Variants in CCDC91 observed in about 807,000 individuals in gnomAD.
CCDC91 encodes coiled-coil domain containing 91.
A neutral mutation model predicts 63.2 loss-of-function variants in CCDC91; 48 were observed. That is an observed-to-expected ratio of 0.76 (90% CI 0.60 to 0.97). The LOEUF is 0.97. Ranked by LOEUF, CCDC91 falls within the 50% of genes least tolerant of loss-of-function variation. CCDC91 has a pLI of 0.00. For missense variants in CCDC91, 500 were observed against 494.6 expected (o/e 1.01, Z -0.10); for synonymous variants, 167 against 165.8 (o/e 1.01, Z -0.06).
intron 6 of CCDC91, among the ~76,000 whole-genome samples, chr12:28,326,226 A>G (rs1231998456): frequency 2.0e-5 from 3 of 152,118 alleles, no homozygotes; most frequent in Non-Finnish European, 4.4e-5. Flanking sequence ...TTGTTCCACT[A>G]CAATTGTGAG....
chr12:28,535,325 C>T (rs1340087424), intron 12 of CCDC91, among the ~76,000 whole-genome samples: 1 of 152,140 alleles, frequency 6.6e-6, no homozygotes, highest in South Asian at 2.1e-4. Context: ...ATAAGCCATA[C>T]CCATGGAATG....
At chr12:28,541,704 G>GA (rs887513439) in intron 12 of CCDC91, among the ~76,000 whole-genome samples, 9 of 151,290 alleles carry the variant, frequency 5.9e-5, no homozygotes, top group African/African-American at 1.2e-4. Flanking sequence ...TCATGATCTT[G>GA]AAAAAAAAGA....
intron 12 of CCDC91, among the ~76,000 whole-genome samples, chr12:28,497,223 C>T (rs1952351082): frequency 1.3e-5 from 2 of 151,422 alleles, no homozygotes; most frequent in Non-Finnish European, 1.5e-5. Context: ...TCTGTTTCTT[C>T]TCTCCTTCTC....
At chr12:28,394,269 A>G (rs1380624151) in intron 8 of CCDC91, among the ~76,000 whole-genome samples, 1 of 152,170 alleles carries the variant, frequency 6.6e-6, no homozygotes, top group Non-Finnish European at 1.5e-5. Flanking sequence ...GATTGAGACC[A>G]TCCTGGCTAA....
At chr12:28,292,178 G>A (rs114667348) in intron 3 of CCDC91, among the ~76,000 whole-genome samples, 177 of 152,278 alleles carry the variant, frequency 1.2e-3, no homozygotes, top group African/African-American at 4.2e-3. Flanking sequence ...AACATAAAGT[G>A]AGAAATGCCC....
chr12:28,216,197 G>A (rs750342441), intron 1 of CCDC91, among the ~76,000 whole-genome samples: 1 of 151,986 alleles, frequency 6.6e-6, no homozygotes, highest in Admixed American at 6.6e-5. Flanking sequence ...TTGTGATTGT[G>A]TAGCAATGCT....
chr12:28,366,078 T>G (rs1241767766), intron 7 of CCDC91, among the ~76,000 whole-genome samples: 1 of 152,164 alleles, frequency 6.6e-6, no homozygotes, highest in African/African-American at 2.4e-5. Flanking sequence ...GGAAGATAAC[T>G]TATGTTTGTA....
At chr12:28,314,645 C>G (rs1289708674) in intron 6 of CCDC91, among the ~76,000 whole-genome samples, 1 of 151,862 alleles carries the variant, frequency 6.6e-6, no homozygotes, top group Non-Finnish European at 1.5e-5. Context: ...TTTGGCATGA[C>G]TAAACACTCT....
intron 12 of CCDC91, among the ~76,000 whole-genome samples, chr12:28,503,222 C>G (rs1592874267): frequency 1.3e-5 from 2 of 151,828 alleles, no homozygotes; most frequent in Admixed American, 1.3e-4. Flanking sequence ...ACAATGAACT[C>G]CAACAAATTT....
At chr12:28,494,524 A>G (rs773536843) in intron 12 of CCDC91, among the ~76,000 whole-genome samples, 6 of 151,714 alleles carry the variant, frequency 4.0e-5, no homozygotes, top group Admixed American at 4.0e-4. Context: ...TTCATGTGCT[A>G]TATCTTACAC....
In CCDC91 at chr12:28,219,093, A is replaced by G. The variant is rs559666415; in HGVS notation, c.-15+28452A>G. 8.3e-4 allele frequency among the ~76,000 whole-genome samples: 127 copies of G among 152,286 alleles called. 1 individual carries two copies. The highest frequency in any genetic ancestry group is 2.8e-3 in the African/African-American group (116 of 41,570). On this transcript the variant is annotated intron_variant, in intron 1 of 12. Coordinates refer to ENST00000536442, the MANE Select transcript of CCDC91 (RefSeq NM_018318.5). ...GTTACATGAGAATTCTAGGTGCTCCATATTCTCACCAACACTTGATATTGT... is the reference window on the plus strand; with the variant it reads ...GTTACATGAGAATTCTAGGTGCTCCGTATTCTCACCAACACTTGATATTGT...
rs1944471950 is a variant in CCDC91, at chr12:28,369,415, G to A, written c.654+6900G>A. Among the ~76,000 whole-genome samples the A allele has an allele frequency of 2.0e-5, 3 of 152,178 alleles. No individual in the cohort carries two copies. The South Asian group carries it at 6.2e-4, about 32-fold the overall frequency. On this transcript the variant is annotated intron_variant, in intron 7 of 12. Transcript: ENST00000536442. Reference sequence around the variant, plus strand: ...CAGGACATTCTGATACAAGAGGTAAGCTGCCAAGGCTTTGAGCAGCTCTCC... The same window carrying A: ...CAGGACATTCTGATACAAGAGGTAAACTGCCAAGGCTTTGAGCAGCTCTCC...
chr12:28,483,654 A>G (rs1287552513), intron 11 of CCDC91, among the ~76,000 whole-genome samples: 4 of 152,246 alleles, frequency 2.6e-5, no homozygotes, highest in African/African-American at 9.6e-5. Flanking sequence ...GTGTGATGGC[A>G]AAATTAAACG....
intron 8 of CCDC91, among the ~76,000 whole-genome samples, chr12:28,424,574 A>G (rs1948201208): frequency 6.6e-6 from 1 of 152,076 alleles, no homozygotes; most frequent in South Asian, 2.1e-4. Flanking sequence ...TTTTCATTAA[A>G]TTGCCTATTT....
Position 28,248,668 on chromosome 12 carries a change from G to A in CCDC91, c.-14-8534G>A, listed in dbSNP as rs755223013. On this transcript the variant is annotated intron_variant, in intron 1 of 12. Coordinates refer to ENST00000536442, the MANE Select transcript of CCDC91 (RefSeq NM_018318.5). ...TTTCATTTTGCATAATAAAAAGGATGTAATTGGTTGCAGGCATGAGATATA... is the reference window on the plus strand; with the variant it reads ...TTTCATTTTGCATAATAAAAAGGATATAATTGGTTGCAGGCATGAGATATA... Among the ~76,000 whole-genome samples the A allele has an allele frequency of 4.6e-5, 7 of 152,238 alleles. No homozygotes were observed. The East Asian group carries it at 7.7e-4, about 17-fold the overall frequency.
In CCDC91 at chr12:28,440,752, G is replaced by A. The variant is rs545553994; in HGVS notation, c.763-9409G>A. On this transcript the variant is annotated intron_variant, in intron 8 of 12. Transcript: ENST00000536442. ...AAAGAGAACTAAAAATATATGAACAGCAGGCTTAAAAGAAAAAATTTAGAG... is the reference window on the plus strand; with the variant it reads ...AAAGAGAACTAAAAATATATGAACAACAGGCTTAAAAGAAAAAATTTAGAG... Among the ~76,000 whole-genome samples, 16 of 152,012 alleles carry A rather than the reference G, an allele frequency of 1.1e-4. 1 individual carries two copies. The highest frequency in any genetic ancestry group is 3.9e-4 in the African/African-American group (16 of 41,480).
chr12:28,480,140 G>A (rs972100619), intron 11 of CCDC91, among the ~76,000 whole-genome samples: 4 of 151,976 alleles, frequency 2.6e-5, no homozygotes, highest in South Asian at 4.2e-4. Context: ...CTATTTTTGC[G>A]CTCTTATACC....
At chr12:28,300,824 A>C (rs566283324) in intron 3 of CCDC91, among the ~76,000 whole-genome samples, 57 of 151,442 alleles carry the variant, frequency 3.8e-4, no homozygotes, top group Non-Finnish European at 7.0e-4. Context: ...TTTCTTGCTA[A>C]ATTTATTCTT....
intron 6 of CCDC91, among the ~76,000 whole-genome samples, chr12:28,346,137 TG>T (rs1489519892): frequency 6.6e-6 from 1 of 152,192 alleles, no homozygotes; most frequent in Non-Finnish European, 1.5e-5. Context: ...TGGTTAGTTC[TG>T]TTGAGAGCTG....
Sources: allele counts gnomAD v4.1 joint callset (sites outside exome capture counted in the v4.1 genomes callset), GRCh38; gene constraint gnomAD v4.1.1; transcripts MANE v1.5; gene names NCBI Gene and HGNC (gene_info 2026-07-23, HGNC 2026-07-21).